PC: variants seen among roughly 807,000 people sequenced by gnomAD.
The protein encoded by PC is pyruvate carboxylase, mitochondrial.
Under a neutral mutation model 107.8 loss-of-function variants are expected in PC, and 46 were observed. That is an observed-to-expected ratio of 0.43 (90% CI 0.34 to 0.55). PC has a LOEUF of 0.55. PC is among the 20% of genes least tolerant of loss of function. PC has a pLI of 0.04. For synonymous variants in PC, 662 were observed against 684.7 expected (o/e 0.97, Z 0.52); for missense variants, 1,241 against 1,643.1 (o/e 0.76, Z 4.23).
chr11:66,868,948 G>A lies in PC; in HGVS notation c.920C>T (p.Ala307Val), dbSNP rs1247838963. Reference sequence around the variant, plus strand: ...GTCCACCAGGAACTCCACGGTGCCTGCGTTCTCGTAGCCCACCTGTGGGGG... The same window carrying A: ...GTCCACCAGGAACTCCACGGTGCCTACGTTCTCGTAGCCCACCTGTGGGGG... Reference protein sequence around the residue: ...KLAKQVGYENAGTVEFLVDRH... With the variant: ...KLAKQVGYENVGTVEFLVDRH... Residue 307 changes from alanine (A) to valine (V), a missense_variant, in exon 10 of 23, where the codon GCA becomes GTA. Physicochemically the swap from Ala to Val is moderately conservative, Grantham distance 64 (BLOSUM62 0). Coordinates refer to ENST00000393960, the MANE Select transcript of PC (RefSeq NM_001040716.2). 2.5e-6 allele frequency: 4 copies of A among 1,613,698 alleles called. No homozygotes were observed. In the African/African-American group the frequency reaches 5.3e-5, roughly 22 times the overall value.
intron 3 of PC, among the ~76,000 whole-genome samples, chr11:66,898,875 C>A (rs1261127343): frequency 6.6e-6 from 1 of 152,046 alleles, no homozygotes; most frequent in Non-Finnish European, 1.5e-5. Context: ...CATTTCTTTT[C>A]TTTTCTTTTT....
At chr11:66,937,139 C>G (rs902944044) in intron 3 of PC, among the ~76,000 whole-genome samples, 1 of 152,088 alleles carries the variant, frequency 6.6e-6, no homozygotes, top group Admixed American at 6.6e-5. Context: ...CCACTGTGCC[C>G]GGCCTAAAGA....
chr11:66,894,458 G>C (rs2136021703), intron 3 of PC, among the ~76,000 whole-genome samples: 1 of 152,290 alleles, frequency 6.6e-6, no homozygotes, highest in South Asian at 2.1e-4. Flanking sequence ...ATCCCACTAA[G>C]ACTTCAGCAA....
intron 12 of PC, chr11:66,860,693 G>A (rs1414726434): frequency 1.4e-6 from 1 of 701,138 alleles, no homozygotes; most frequent in Admixed American, 2.0e-5. Context: ...GGCTTGGGCA[G>A]GCGGCCTACC....
intron 3 of PC, among the ~76,000 whole-genome samples, chr11:66,903,886 G>A (rs1228669186): frequency 7.1e-6 from 1 of 141,380 alleles, no homozygotes; most frequent in Non-Finnish European, 1.5e-5. Context: ...GGAGTACAAC[G>A]GCACGATCTC....
intron 11 of PC, among the ~76,000 whole-genome samples, chr11:66,865,249 A>G (rs1236081353): frequency 6.6e-6 from 1 of 151,352 alleles, no homozygotes; most frequent in Non-Finnish European, 1.5e-5. Context: ...CCCTTGTCTC[A>G]GAAGCCCAGA....
At chr11:66,873,476 A>T (rs1186357668) in intron 3 of PC, among the ~76,000 whole-genome samples, 2 of 77,420 alleles carry the variant, frequency 2.6e-5, no homozygotes, top group South Asian at 5.7e-4. Context: ...TATATAATAT[A>T]ATATATAATA....
intron 12 of PC, chr11:66,859,812 C>G (rs1046555254): frequency 1.9e-6 from 3 of 1,586,340 alleles, no homozygotes; most frequent in Non-Finnish European, 2.6e-6. Context: ...GTGCCACGCC[C>G]TGCAGGCCCA....
At chr11:66,889,708 C>T (rs1009324712) in intron 3 of PC, among the ~76,000 whole-genome samples, 1 of 150,996 alleles carries the variant, frequency 6.6e-6, no homozygotes, top group Non-Finnish European at 1.5e-5. Context: ...AAAAGTTAAA[C>T]TTACCAAAAG....
chr11:66,849,689 G>A lies in PC; in HGVS notation c.3069C>T (p.Phe1023=), dbSNP rs753587788. 1.9e-6 allele frequency: 3 copies of A among 1,614,222 alleles called. No homozygotes were observed. Among genetic ancestry groups the A allele is most frequent in the Non-Finnish European group, 2.5e-6 (3 of 1,180,032 alleles). Residue 1023 remains phenylalanine (F), a synonymous_variant, in exon 21 of 23, where the codon TTC becomes TTT. Coordinates refer to ENST00000393960, the MANE Select transcript of PC (RefSeq NM_001040716.2). ...TATCCAGGGGGCCAAAGGTGGCAGTGAAGTCCTTGAAGTGGGCAAACACAT... is the reference window on the plus strand; with the variant it reads ...TATCCAGGGGGCCAAAGGTGGCAGTAAAGTCCTTGAAGTGGGCAAACACAT... ...YPDVFAHFKD[F]TATFGPLDSL... is the part of the protein sequence containing the mutation.
At chr11:66,905,259 G>C (rs1026796037) in intron 3 of PC, among the ~76,000 whole-genome samples, 3 of 152,270 alleles carry the variant, frequency 2.0e-5, no homozygotes, top group African/African-American at 7.2e-5. Flanking sequence ...AGCAGCTTAG[G>C]AGAGCTAAGT....
intron 3 of PC, among the ~76,000 whole-genome samples, chr11:66,925,558 C>G (rs900226099): frequency 5.9e-5 from 9 of 152,132 alleles, no homozygotes; most frequent in Non-Finnish European, 8.8e-5. Context: ...GTTCTTTTTT[C>G]AAGGTGCCCA....
At chr11:66,946,325 C>G (rs1295689684) in intron 3 of PC, among the ~76,000 whole-genome samples, 1 of 151,790 alleles carries the variant, frequency 6.6e-6, no homozygotes, top group African/African-American at 2.4e-5. Flanking sequence ...GAAATCCCAC[C>G]TCTACAAAGA....
chr11:66,849,551 C>T, intron 21 of PC, 60 bp downstream of exon 21: 1 of 1,613,374 alleles, frequency 6.2e-7, no homozygotes, highest in Non-Finnish European at 8.5e-7. Context: ...CCAAGCTAAA[C>T]TCCAGAGCTC....
At chr11:66,882,889 C>A (rs772062300) in intron 3 of PC, among the ~76,000 whole-genome samples, 2 of 152,172 alleles carry the variant, frequency 1.3e-5, no homozygotes, top group African/African-American at 2.4e-5. Flanking sequence ...TCAAAGCACC[C>A]AAGAGAGGAC....
chr11:66,942,788 G>A (rs1429040951), intron 3 of PC, among the ~76,000 whole-genome samples: 6 of 151,850 alleles, frequency 4.0e-5, no homozygotes, highest in South Asian at 2.1e-4. Flanking sequence ...CGAGGCGGGC[G>A]GATCACCTGA....
In PC at chr11:66,945,808, C is replaced by T. The variant is rs1565304331; in HGVS notation, c.-1+6622G>A. Among the ~76,000 whole-genome samples the T allele has an allele frequency of 1.6e-5, 2 of 124,900 alleles. 1 individual carries two copies. The highest frequency in any genetic ancestry group is 4.8e-4 in the East Asian group (2 of 4,154). 81.9% of individuals were successfully genotyped at this position (124,900 alleles called of 152,430 possible). A position where few individuals can be genotyped will look rare whatever the true frequency, so the allele number is the denominator to read the frequency against. On this transcript the variant is annotated intron_variant, in intron 3 of 22. Coordinates refer to ENST00000393960, the MANE Select transcript of PC (RefSeq NM_001040716.2). Reference sequence around the variant, plus strand: ...ATATTTTTGTGTTAAGAAATCTGGCCGGGCGCGGTGGCTCACGCCTGTAAT... The same window carrying T: ...ATATTTTTGTGTTAAGAAATCTGGCTGGGCGCGGTGGCTCACGCCTGTAAT...
chr11:66,897,126 G>A (rs1947788789), intron 3 of PC, among the ~76,000 whole-genome samples: 1 of 152,046 alleles, frequency 6.6e-6, no homozygotes, highest in Non-Finnish European at 1.5e-5. Context: ...TAGAGATGGG[G>A]TTTCACCATG....
At chr11:66,907,905 A>G (rs1948216126) in intron 3 of PC, 1 of 152,344 alleles carries the variant, frequency 6.6e-6, no homozygotes, top group South Asian at 2.1e-4. Flanking sequence ...CTGCCTGTTT[A>G]TAATTGATGT....
Sources: allele counts gnomAD v4.1 joint callset (sites outside exome capture counted in the v4.1 genomes callset), GRCh38; gene constraint gnomAD v4.1.1; transcripts MANE v1.5; gene names NCBI Gene and HGNC (gene_info 2026-07-23, HGNC 2026-07-21).